The following ASIC2 variants were observed in gnomAD, a reference collection of about 807,000 sequenced individuals.
ASIC2 encodes acid-sensing ion channel 2.
ASIC2 carries 25 observed loss-of-function variants against 57.3 expected under a neutral mutation model. The ratio of observed to expected loss-of-function variants is 0.44; its 90% CI spans 0.32 to 0.61. The LOEUF (loss-of-function observed/expected upper bound fraction) is 0.61, where lower values mean the gene tolerates loss of function less well. Ranked by LOEUF, ASIC2 falls within the 20% of genes least tolerant of loss-of-function variation. The pLI is 0.06. For missense variants in ASIC2, 641 were observed against 738.1 expected, an observed-to-expected ratio of 0.87 and a Z score of 1.52; for synonymous variants, 319 against 307.5, an observed-to-expected ratio of 1.04 and a Z score of -0.39.
chr17:33,790,002 T>C (rs1911721166), intron 1 of ASIC2, among the ~76,000 whole-genome samples: 1 of 152,248 alleles, frequency 6.6e-6, no homozygotes, highest in Non-Finnish European at 1.5e-5. Context: ...CCAGAAGCTC[T>C]GTATGGAAAA....
At chr17:33,451,498 T>C (rs1191284785) in intron 1 of ASIC2, among the ~76,000 whole-genome samples, 1 of 152,202 alleles carries the variant, frequency 6.6e-6, no homozygotes, top group East Asian at 1.9e-4. Context: ...TCAGCGCTGT[T>C]ACAAACCTGT....
intron 1 of ASIC2, among the ~76,000 whole-genome samples, chr17:33,334,166 A>G (rs1047609888): frequency 1.2e-4 from 19 of 152,212 alleles, no homozygotes; most frequent in Non-Finnish European, 2.2e-4. Context: ...GGACTTCCAG[A>G]GTCTACATGT....
At chr17:33,635,474 A>G (rs1264432374) in intron 1 of ASIC2, among the ~76,000 whole-genome samples, 3 of 152,222 alleles carry the variant, frequency 2.0e-5, no homozygotes, top group East Asian at 1.9e-4. Context: ...CCTTAGAACT[A>G]CTACCTGCAT....
At chr17:34,095,597 C>T (rs1213036876) in intron 1 of ASIC2, among the ~76,000 whole-genome samples, 1 of 120,030 alleles carries the variant, frequency 8.3e-6, no homozygotes, top group Non-Finnish European at 1.8e-5. Flanking sequence ...TGGGGAGAAG[C>T]AGGCAAATTT....
intron 1 of ASIC2, among the ~76,000 whole-genome samples, chr17:34,023,395 A>ACACC (rs1907257743): frequency 6.6e-6 from 1 of 151,664 alleles, no homozygotes; most frequent in Admixed American, 6.6e-5. Context: ...ACACACACAC[A>ACACC]CACACACACA....
intron 1 of ASIC2, among the ~76,000 whole-genome samples, chr17:33,845,173 AG>A (rs1386028285): frequency 1.3e-5 from 2 of 152,252 alleles, no homozygotes; most frequent in Non-Finnish European, 2.9e-5. Flanking sequence ...CTGCAAGTCA[AG>A]TTAGTGCTAT....
At chr17:33,838,622 C>T (rs900560712) in intron 1 of ASIC2, among the ~76,000 whole-genome samples, 1 of 152,168 alleles carries the variant, frequency 6.6e-6, no homozygotes, top group African/African-American at 2.4e-5. Flanking sequence ...AACTGGGGAA[C>T]TGAGCCTGAG....
At chr17:34,128,394 G>A (rs560319719) in intron 1 of ASIC2, among the ~76,000 whole-genome samples, 1 of 116,562 alleles carries the variant, frequency 8.6e-6, no homozygotes, top group Non-Finnish European at 1.9e-5. Flanking sequence ...AGGGAACCAT[G>A]AACCTCCCTG....
intron 1 of ASIC2, chr17:34,002,218 C>A (rs1597969065): frequency 1.3e-5 from 2 of 152,340 alleles, no homozygotes; most frequent in East Asian, 3.9e-4. Flanking sequence ...CAGCCAGATT[C>A]CTGTTGAATG....
intron 1 of ASIC2, among the ~76,000 whole-genome samples, chr17:33,246,029 T>TA (rs35562770): frequency 0.061 from 8,884 of 145,164 alleles, 306 homozygotes; most frequent in African/African-American, 0.085. Context: ...TACCTCTACT[T>TA]AAAAAAAAAA....
At chr17:33,602,837 T>C (rs1024804768) in intron 1 of ASIC2, among the ~76,000 whole-genome samples, 4 of 152,182 alleles carry the variant, frequency 2.6e-5, no homozygotes, top group Non-Finnish European at 5.9e-5. Context: ...GTTCAAGAAA[T>C]AGCTGTGGAA....
rs1246182679 is a variant in ASIC2 at position 34,014,961 on chromosome 17, T to C, written c.555+141017A>G. Among the ~76,000 whole-genome samples the C allele has an allele frequency of 5.3e-5, 8 of 151,872 alleles. No homozygotes were observed. The East Asian group carries it at 1.5e-3, about 29-fold the overall frequency. On this transcript the variant is annotated intron_variant, in intron 1 of 9. Coordinates refer to the ASIC2 transcript ENST00000359872. Reference sequence around the variant, plus strand: ...GTGCAGTGGCACAATCACGGCTCACTGAATCCTCGACCTCACAGGCTCAAA... The same window carrying C: ...GTGCAGTGGCACAATCACGGCTCACCGAATCCTCGACCTCACAGGCTCAAA...
In ASIC2 at chr17:33,749,052, G is replaced by A. The variant is rs115423522; in HGVS notation, c.555+406926C>T. Among the ~76,000 whole-genome samples the A allele has an allele frequency of 2.1e-3, 323 of 152,238 alleles. 1 individual carries two copies. Among genetic ancestry groups the A allele is most frequent in the African/African-American group, 7.6e-3 (314 of 41,550 alleles). On this transcript the variant is annotated intron_variant, in intron 1 of 9. Transcript: ENST00000359872. ...CCAGAGGTGAGAGGAGAGCAAGCTG[G>A]CTCCTGCTCTCCTTTCTTCCTTTCC...
At chr17:33,517,367 C>T (rs959568738) in intron 1 of ASIC2, among the ~76,000 whole-genome samples, 15 of 152,202 alleles carry the variant, frequency 9.9e-5, no homozygotes, top group African/African-American at 2.2e-4. Flanking sequence ...CGACCCACCT[C>T]GGCCTCCCAA....
chr17:34,131,449 T>C (rs1911955607), intron 1 of ASIC2, among the ~76,000 whole-genome samples: 1 of 152,206 alleles, frequency 6.6e-6, no homozygotes, highest in African/African-American at 2.4e-5. Context: ...TCCCTTCCTT[T>C]GGCCATCAGG....
intron 1 of ASIC2, among the ~76,000 whole-genome samples, chr17:34,011,815 C>A (rs1479919186): frequency 6.6e-6 from 1 of 152,202 alleles, no homozygotes; most frequent in Non-Finnish European, 1.5e-5. Flanking sequence ...ACCACTCACC[C>A]CACTCCCCGC....
chr17:34,109,283 C>T (rs967687629), intron 1 of ASIC2, among the ~76,000 whole-genome samples: 2 of 152,028 alleles, frequency 1.3e-5, no homozygotes, highest in African/African-American at 4.8e-5. Flanking sequence ...CATTTATTGT[C>T]ATTGCTCTGT....
chr17:33,982,255 C>T (rs1905652810), intron 1 of ASIC2, among the ~76,000 whole-genome samples: 1 of 152,222 alleles, frequency 6.6e-6, no homozygotes, highest in Non-Finnish European at 1.5e-5. Flanking sequence ...CCTGCAATTA[C>T]ATGCTACATT....
intron 1 of ASIC2, among the ~76,000 whole-genome samples, chr17:33,736,722 A>G (rs1909922868): frequency 6.6e-6 from 1 of 152,212 alleles, no homozygotes; most frequent in African/African-American, 2.4e-5. Context: ...CCTCTCCGAG[A>G]TCATTAGGGA....
Sources: allele counts gnomAD v4.1 joint callset (sites outside exome capture counted in the v4.1 genomes callset), GRCh38; gene constraint gnomAD v4.1.1; transcripts MANE v1.5; gene names NCBI Gene and HGNC (gene_info 2026-07-23, HGNC 2026-07-21).